Variants in DDB1 observed in about 807,000 individuals in gnomAD.
DDB1 encodes damage specific DNA binding protein 1, also known as DNA damage-binding protein 1.
In DDB1, 18 loss-of-function variants were observed where a neutral mutation model predicts 133.1. That is an observed-to-expected ratio of 0.14 (90% confidence interval 0.09 to 0.20). The LOEUF is 0.20. Ranked by LOEUF, DDB1 falls within the 10% of genes least tolerant of loss-of-function variation. The pLI, the probability that DDB1 is intolerant of heterozygous loss-of-function variation, is 1.00. For missense variants in DDB1, 828 were observed against 1,459.2 expected, an observed-to-expected ratio of 0.57 and a Z score of 7.05; for synonymous variants, 580 against 550.5, an observed-to-expected ratio of 1.05 and a Z score of -0.75.
In DDB1 at chr11:61,329,601, G is replaced by A. The variant is rs1191414998; in HGVS notation, c.328-17C>T. On this transcript the variant is annotated splice_polypyrimidine_tract_variant and intron_variant, in intron 3 of 26. Transcript: ENST00000301764. ...AATGCGGTCCTGAGAAACAAAATCG[G>A]GATTAGGGAAGAACCTCAACATCCA... The A allele has an allele frequency of 6.3e-7, 1 of 1,590,250 alleles. No individual in the cohort carries two copies. The highest frequency in any genetic ancestry group is 8.6e-7 in the Non-Finnish European group (1 of 1,167,760).
intron 21 of DDB1, among the ~76,000 whole-genome samples, chr11:61,304,471 AAAAG>A (rs960649442): frequency 7.2e-5 from 11 of 152,108 alleles, no homozygotes; most frequent in South Asian, 2.1e-4. Context: ...TGTCTCAAAA[AAAAG>A]AAAGAAAGAA....
chr11:61,301,462 T>C (rs1175112123), intron 25 of DDB1: 1 of 152,764 alleles, frequency 6.5e-6, no homozygotes, highest in Admixed American at 6.5e-5. Flanking sequence ...TCCCAGCTAT[T>C]CGGGAGGCTG....
intron 21 of DDB1, among the ~76,000 whole-genome samples, chr11:61,305,699 T>C (rs960029870): frequency 3.9e-5 from 6 of 152,000 alleles, no homozygotes; most frequent in Admixed American, 3.9e-4. Flanking sequence ...CTCCACACTC[T>C]CAACCTCCCC....
At position 61,329,576 on chromosome 11, in the gene DDB1, A is replaced by G; in HGVS notation, c.336T>C (p.Ile112=). The G allele has an allele frequency of 6.2e-7, 1 of 1,611,258 alleles. No homozygotes were observed. The highest frequency in any genetic ancestry group is 8.5e-7 in the Non-Finnish European group (1 of 1,178,576). The change falls in exon 4 of 27, where the codon ATT becomes ATC. Residue 112 remains isoleucine, a synonymous_variant. Transcript: ENST00000301764. ...TRAHGNVQDR[I]GRPSETGIIG... ...TAATGCCGGTCTCTGAGGGGCGGCC[A>G]ATGCGGTCCTGAGAAACAAAATCGG...
chr11:61,325,639 T>C lies in DDB1; in HGVS notation c.734A>G (p.Tyr245Cys). The C allele has an allele frequency of 6.2e-7, 1 of 1,613,772 alleles. No homozygotes were observed. The highest frequency in any genetic ancestry group is 8.5e-7 in the Non-Finnish European group (1 of 1,179,906). The change falls in exon 6 of 27, where the codon TAC becomes TGC. Residue 245 changes from tyrosine (Y) to cysteine (C), a missense_variant. Transcript: ENST00000301764. ...GATGATAGGAGGGGCAATAGCCAGGTATTTGTCACCATTGTGATAGGTGAT... is the reference window on the plus strand; with the variant it reads ...GATGATAGGAGGGGCAATAGCCAGGCATTTGTCACCATTGTGATAGGTGAT... The part of the protein sequence containing the change: ...ESITYHNGDK[Y>C]LAIAPPIIKQ...
intron 23 of DDB1, 51 bp from the exon 24 acceptor site, chr11:61,302,802 G>A (rs1479786271): frequency 6.2e-7 from 1 of 1,609,052 alleles, no homozygotes; most frequent in Non-Finnish European, 8.5e-7. Context: ...TCCACCACAG[G>A]CCCTGAGACA....
chr11:61,312,655 ATGGTGGGATCT>A (rs1203892894), intron 16 of DDB1, among the ~76,000 whole-genome samples: 1 of 151,718 alleles, frequency 6.6e-6, no homozygotes, highest in African/African-American at 2.4e-5. Flanking sequence ...CTGGAGCGCA[ATGGTGGGATCT>A]TGGCTCACTG....
chr11:61,308,911 A>T, intron 21 of DDB1, 72 bp downstream of exon 21: 1 of 1,463,454 alleles, frequency 6.8e-7, no homozygotes, highest in Non-Finnish European at 9.6e-7. Context: ...GGCCCCAGAC[A>T]ACCTAAGAGA....
rs1856433820 is a variant in DDB1 at position 61,332,995 on chromosome 11, A to C, written c.-27T>G. The C allele has an allele frequency of 1.3e-6, 2 of 1,483,746 alleles. No individual in the cohort carries two copies. Among genetic ancestry groups the C allele is most frequent in the East Asian group, 5.5e-5 (2 of 36,604 alleles). 91.9% of individuals were successfully genotyped at this position (1,483,746 alleles called of 1,614,324 possible). On this transcript the variant is annotated 5_prime_UTR_variant, in exon 1 of 27. Transcript: ENST00000301764. ...TCGAGGCTTGGAGCGGCCCGTCGGG[A>C]CTCGAGCGCGACACTAGAAAGAGGG...
chr11:61,308,297 T>A (rs534290599), intron 21 of DDB1, among the ~76,000 whole-genome samples: 1 of 152,288 alleles, frequency 6.6e-6, no homozygotes, highest in African/African-American at 2.4e-5. Flanking sequence ...GTAGGGTTCT[T>A]ACCTCCCTTC....
intron 25 of DDB1, 125 bp from the exon 26 acceptor site, chr11:61,301,057 G>T: frequency 2.2e-6 from 3 of 1,385,744 alleles, no homozygotes; most frequent in Non-Finnish European, 2.9e-6. Flanking sequence ...ACTTCCTTTC[G>T]CCTTGCTTTT....
Position 61,300,522 on chromosome 11 carries a change from C to T in DDB1, c.3339+287G>A, listed in dbSNP as rs1226659318. Reference sequence around the variant, plus strand: ...TCCCTACGGGATCCTGACCCTGCCTCCCACCTTTGGGTCTTGCTAAAGATC... The same window carrying T: ...TCCCTACGGGATCCTGACCCTGCCTTCCACCTTTGGGTCTTGCTAAAGATC... On this transcript the variant is annotated intron_variant, in intron 26 of 26. Coordinates refer to ENST00000301764, the MANE Select transcript of DDB1 (RefSeq NM_001923.5). Among the ~76,000 whole-genome samples, 8 of 152,230 alleles carry T rather than the reference C, an allele frequency of 5.3e-5. No individual in the cohort carries two copies. In the East Asian group the frequency reaches 1.5e-3, roughly 29 times the overall value.
At chr11:61,320,108 AT>A (rs1345897086) in intron 10 of DDB1, among the ~76,000 whole-genome samples, 1 of 152,002 alleles carries the variant, frequency 6.6e-6, no homozygotes, top group Non-Finnish European at 1.5e-5. Flanking sequence ...ATCTTAGTGA[AT>A]TTGTATTGTC....
chr11:61,323,744 T>G, intron 7 of DDB1: 1 of 501,422 alleles, frequency 2.0e-6, no homozygotes, highest in Non-Finnish European at 3.6e-6. Context: ...ATTATATCCT[T>G]TTCTGTTTCC....
In DDB1 at chr11:61,329,404, G is replaced by C; in HGVS notation, c.508C>G (p.Leu170Val). The stretch of plus-strand genomic sequence containing the variant: ...ATAGTAGGTGCTTGGCAACCATATA[G>C]GAACTTGACATCAATGACATGCAGC... ...EELHVIDVKF[L>V]YGCQAPTICF... The change falls in exon 4 of 27, where the codon CTA (leucine) becomes GTA (valine). Residue 170 changes from leucine to valine, a missense_variant. Coordinates refer to ENST00000301764, the MANE Select transcript of DDB1 (RefSeq NM_001923.5). 6.2e-7 allele frequency: 1 copy of C among 1,614,170 alleles called. No homozygotes were observed. Among genetic ancestry groups the C allele is most frequent in the Non-Finnish European group, 8.5e-7 (1 of 1,180,024 alleles).
rs779244792 is a variant in DDB1, at chr11:61,322,416, A to G, written c.1006-4T>C. ...GTTCATTACTGTCAACGTTGAGCTA[A>G]TAAGAAAGAACAATGTTATGTTAGT... On this transcript the variant is annotated splice_polypyrimidine_tract_variant and splice_region_variant and intron_variant, in intron 8 of 26. Coordinates refer to ENST00000301764, the MANE Select transcript of DDB1 (RefSeq NM_001923.5). 24 of 1,607,564 alleles carry G rather than the reference A, an allele frequency of 1.5e-5. 1 individual carries two copies. The highest frequency in any genetic ancestry group is 1.2e-4 in the South Asian group (11 of 90,980).
intron 22 of DDB1, chr11:61,303,417 A>G: frequency 2.5e-6 from 1 of 393,356 alleles, no homozygotes; most frequent in Non-Finnish European, 4.7e-6. Context: ...GGCCGGGCAC[A>G]GTGGCTCACG....
chr11:61,303,266 T>C, intron 22 of DDB1, 111 bp from the exon 23 acceptor site: 3 of 931,178 alleles, frequency 3.2e-6, no homozygotes, highest in African/African-American at 1.6e-5. Context: ...CTGCAGAAGA[T>C]ATAGCATGGT....
At position 61,332,864 on chromosome 11, in the gene DDB1, C is replaced by G. The variant is rs56269746; in HGVS notation, c.61+44G>C. 19,950 of 1,438,050 alleles carry G rather than the reference C, an allele frequency of 0.014. 1,382 individuals carry two copies. In the African/African-American group the frequency reaches 0.18, roughly 13 times the overall value. The allele number at this position is 1,438,050 out of a possible 1,614,324, so 89.1% of individuals were successfully genotyped here. A position where few individuals can be genotyped will look rare whatever the true frequency, so the allele number is the denominator to read the frequency against. On this transcript the variant is annotated intron_variant, in intron 1 of 26. Coordinates refer to ENST00000301764, the MANE Select transcript of DDB1 (RefSeq NM_001923.5). Reference sequence around the variant, plus strand: ...GGGCCTCCCTAGGCCGCGGCTCCCCCCAACTCCCTCACTCGCCGGGGTCTC... The same window carrying G: ...GGGCCTCCCTAGGCCGCGGCTCCCCGCAACTCCCTCACTCGCCGGGGTCTC...
Sources: gnomAD v4.1 joint callset for allele counts (sites outside exome capture counted in the v4.1 genomes callset) on GRCh38, gnomAD v4.1.1 for gene constraint, MANE v1.5 for transcripts, NCBI Gene and HGNC (gene_info 2026-07-23, HGNC 2026-07-21) for gene names.